Variants in LAMC1 observed in about 807,000 individuals in gnomAD.
The protein encoded by LAMC1 is laminin subunit gamma-1.
In LAMC1, 38 loss-of-function variants were observed where a neutral mutation model predicts 173.6. That is an observed-to-expected ratio of 0.22 (90% CI 0.17 to 0.29). LAMC1 has a LOEUF of 0.29. Among genes scored for constraint, LAMC1 ranks in the 10% least tolerant of loss-of-function variants. The probability of loss-of-function intolerance (pLI) is 1.00; values close to 1 mark genes in which losing one functional copy is unlikely to be tolerated. For missense variants in LAMC1, 1,824 were observed against 2,051.8 expected, an observed-to-expected ratio of 0.89 and a Z score of 2.14; for synonymous variants, 746 against 749.1, an observed-to-expected ratio of 1.00 and a Z score of 0.07.
At chr1:183,050,491 C>T (rs1316297702) in intron 1 of LAMC1, among the ~76,000 whole-genome samples, 6 of 147,656 alleles carry the variant, frequency 4.1e-5, no homozygotes, top group Admixed American at 2.0e-4. Flanking sequence ...ACCACGTTAG[C>T]CAGGATGGTC....
chr1:183,082,109 A>G (rs1443341170), intron 1 of LAMC1, among the ~76,000 whole-genome samples: 2 of 152,232 alleles, frequency 1.3e-5, no homozygotes, highest in Non-Finnish European at 2.9e-5. Context: ...CATTGTATGC[A>G]TGTACCACAA....
rs537151969 is a variant in LAMC1 at position 183,044,462 on chromosome 1, C to G, written c.418+20328C>G. Among the ~76,000 whole-genome samples, 10 of 152,204 alleles carry G rather than the reference C, an allele frequency of 6.6e-5. No homozygotes were observed. The South Asian group carries it at 2.1e-3, about 32-fold the overall frequency. ...GTGTTTTAAACCATTAGGTCAGTAA[C>G]TTAGAGCTGGGTACTTGACTCGTAA... On this transcript the variant is annotated intron_variant, in intron 1 of 27. Transcript: ENST00000258341.
chr1:183,116,583 C>T lies in LAMC1; in HGVS notation c.1335C>T (p.Cys445=). The change falls in exon 7 of 28, where the codon TGC becomes TGT. Residue 445 remains cysteine (C), a synonymous_variant. Coordinates refer to ENST00000258341, the MANE Select transcript of LAMC1 (RefSeq NM_002293.4). ...TCCATTTTTCATTGAATAGGCCATG[C>T]TCTTGTGATCCCTCTGGCAGCATAG... The part of the protein sequence containing the change: ...HSLTEAGCRP[C]SCDPSGSIDE... The T allele has an allele frequency of 1.9e-6, 3 of 1,600,576 alleles. No homozygotes were observed. Among genetic ancestry groups the T allele is most frequent in the Non-Finnish European group, 2.6e-6 (3 of 1,168,982 alleles).
At chr1:183,044,014 GT>G (rs1156462159) in intron 1 of LAMC1, among the ~76,000 whole-genome samples, 1 of 151,832 alleles carries the variant, frequency 6.6e-6, no homozygotes, top group South Asian at 2.1e-4. Flanking sequence ...TTTCTGTCCA[GT>G]TTTTTTTAAT....
intron 1 of LAMC1, among the ~76,000 whole-genome samples, chr1:183,026,194 C>T (rs1653681624): frequency 6.6e-6 from 1 of 152,152 alleles, no homozygotes; most frequent in Non-Finnish European, 1.5e-5. Flanking sequence ...GAGTTTAAAA[C>T]TTGTAAGTTA....
At chr1:183,054,440 C>T (rs1654529805) in intron 1 of LAMC1, among the ~76,000 whole-genome samples, 1 of 152,154 alleles carries the variant, frequency 6.6e-6, no homozygotes, top group African/African-American at 2.4e-5. Flanking sequence ...ACCTTAACTT[C>T]TGGGGACTGG....
In LAMC1 at chr1:183,024,092, G is replaced by T; in HGVS notation, c.376G>T (p.Gly126Trp). 1 of 1,607,876 alleles carries T rather than the reference G, an allele frequency of 6.2e-7. No homozygotes were observed. Among genetic ancestry groups the T allele is most frequent in the Non-Finnish European group, 8.5e-7 (1 of 1,177,616 alleles). ...TWWQSQTMLA[G>W]VQYPSSINLT... ...GTGGCAAAGCCAGACCATGCTGGCC[G>T]GGGTGCAGTACCCCAGCTCCATCAA... Residue 126 changes from glycine to tryptophan, a missense_variant, in exon 1 of 28, where the codon GGG becomes TGG. By Grantham distance (184) the Gly-to-Trp change is radical (BLOSUM62 -2). Coordinates refer to ENST00000258341, the MANE Select transcript of LAMC1 (RefSeq NM_002293.4).
intron 5 of LAMC1, among the ~76,000 whole-genome samples, chr1:183,115,105 A>G (rs1656280752): frequency 6.6e-6 from 1 of 152,224 alleles, no homozygotes; most frequent in African/African-American, 2.4e-5. Flanking sequence ...GTGTGTACAG[A>G]GATGCACAGC....
chr1:183,092,674 T>C (rs1655594852), intron 1 of LAMC1, among the ~76,000 whole-genome samples: 1 of 152,218 alleles, frequency 6.6e-6, no homozygotes, highest in African/African-American at 2.4e-5. Context: ...TACAGATAAC[T>C]CTTTTTAGTC....
At chr1:183,103,088 CACA>C (rs1267110227) in intron 1 of LAMC1, among the ~76,000 whole-genome samples, 2 of 152,192 alleles carry the variant, frequency 1.3e-5, no homozygotes, top group Non-Finnish European at 2.9e-5. Context: ...TTTCATTGCA[CACA>C]ACATTTCCAC....
chr1:183,120,742 A>G (rs757829397), intron 11 of LAMC1, among the ~76,000 whole-genome samples: 19 of 152,232 alleles, frequency 1.2e-4, no homozygotes, highest in Non-Finnish European at 2.8e-4. Flanking sequence ...TCTTATAGAA[A>G]TGGAAAAGCA....
chr1:183,041,692 G>T (rs2102015407), intron 1 of LAMC1, among the ~76,000 whole-genome samples: 1 of 152,276 alleles, frequency 6.6e-6, no homozygotes, highest in South Asian at 2.1e-4. Flanking sequence ...GGGCAGAGAA[G>T]ACCTAGAGCT....
At chr1:183,038,938 A>G (rs1400415071) in intron 1 of LAMC1, among the ~76,000 whole-genome samples, 2 of 152,194 alleles carry the variant, frequency 1.3e-5, no homozygotes, top group Non-Finnish European at 2.9e-5. Flanking sequence ...TATAAAAAAA[A>G]AAGAAAAAAA....
At chr1:183,028,944 C>G (rs1558026118) in intron 1 of LAMC1, among the ~76,000 whole-genome samples, 1 of 152,176 alleles carries the variant, frequency 6.6e-6, no homozygotes, top group Non-Finnish European at 1.5e-5. Flanking sequence ...AGACCATATT[C>G]AAAACTAAAT....
intron 1 of LAMC1, among the ~76,000 whole-genome samples, chr1:183,038,558 A>G (rs534660986): frequency 3.5e-5 from 5 of 142,242 alleles, no homozygotes; most frequent in Non-Finnish European, 6.2e-5. Flanking sequence ...TGAAGGGATA[A>G]TGATTTCCAA....
At chr1:183,069,577 G>A (rs1654957711) in intron 1 of LAMC1, among the ~76,000 whole-genome samples, 1 of 152,200 alleles carries the variant, frequency 6.6e-6, no homozygotes, top group Non-Finnish European at 1.5e-5. Context: ...CTGAAGAGAG[G>A]TCTGGGTGTC....
rs537257322 is a variant in LAMC1 at position 183,073,271 on chromosome 1, A to C, written c.419-30057A>C. On this transcript the variant is annotated intron_variant, in intron 1 of 27. Transcript: ENST00000258341. Reference sequence around the variant, plus strand: ...TGGTCTGTCTGTGGGACAAGAAAAAAATCTCAGCTAACAAAATAGGTAGGG... The same window carrying C: ...TGGTCTGTCTGTGGGACAAGAAAAACATCTCAGCTAACAAAATAGGTAGGG... Among the ~76,000 whole-genome samples, 4 of 152,344 alleles carry C rather than the reference A, an allele frequency of 2.6e-5. No homozygotes were observed. In the South Asian group the frequency reaches 8.3e-4, roughly 32 times the overall value.
At chr1:183,064,396 A>C (rs1323377140) in intron 1 of LAMC1, among the ~76,000 whole-genome samples, 2 of 152,216 alleles carry the variant, frequency 1.3e-5, no homozygotes, top group African/African-American at 4.8e-5. Context: ...ACTGGAGGCC[A>C]TTGTAACACA....
chr1:183,133,863 G>A (rs992844851), intron 22 of LAMC1, among the ~76,000 whole-genome samples: 3 of 152,164 alleles, frequency 2.0e-5, no homozygotes, highest in East Asian at 1.9e-4. Flanking sequence ...TCCTGTGATT[G>A]TAAACATTAA....
Sources: allele counts gnomAD v4.1 joint callset (sites outside exome capture counted in the v4.1 genomes callset), GRCh38; gene constraint gnomAD v4.1.1; transcripts MANE v1.5; gene names NCBI Gene and HGNC (gene_info 2026-07-23, HGNC 2026-07-21).